SRGN: variants seen among roughly 807,000 people sequenced by gnomAD.
The protein encoded by SRGN is serglycin, also known as hematopoetic proteoglycan core peptide.
SRGN carries 2 observed loss-of-function variants against 9.5 expected under a neutral mutation model. The ratio of observed to expected loss-of-function variants is 0.21; its 90% CI spans 0.09 to 0.66. The LOEUF (loss-of-function observed/expected upper bound fraction) is 0.66. Ranked by LOEUF, SRGN falls within the 30% of genes least tolerant of loss-of-function variation. The pLI, the probability that SRGN is intolerant of heterozygous loss-of-function variation, is 0.83. For synonymous variants in SRGN, 59 were observed against 72.3 expected (o/e 0.82, Z 0.93); for missense variants, 170 against 192.4 (o/e 0.88, Z 0.69).
Position 69,096,834 on chromosome 10 carries a change from A to G in SRGN, c.80-250A>G, listed in dbSNP as rs189382052. Among the ~76,000 whole-genome samples the G allele has an allele frequency of 3.1e-3, 473 of 151,952 alleles. 4 individuals carry two copies. The highest frequency in any genetic ancestry group is 0.011 in the African/African-American group (461 of 41,416). On this transcript the variant is annotated intron_variant, in intron 1 of 2. Coordinates refer to ENST00000242465, the MANE Select transcript of SRGN (RefSeq NM_002727.4). ...CTCCAAAAAACAAACAAACAAACAA[A>G]AACAAAACAAAACTAGCTGGGCGTT... is the stretch of plus-strand genomic sequence containing the variant.
intron 2 of SRGN, chr10:69,098,577 G>A (rs1156277065): frequency 6.6e-6 from 1 of 152,102 alleles, no homozygotes; most frequent in African/African-American, 2.4e-5. Context: ...AGGAGTTTGA[G>A]GCCAGCCTGG....
intron 1 of SRGN, among the ~76,000 whole-genome samples, chr10:69,089,896 A>G (rs746571478): frequency 8.0e-4 from 121 of 152,106 alleles, no homozygotes; most frequent in Non-Finnish European, 1.6e-3. Context: ...ACTCTGTCAG[A>G]AAGAAAGAAA....
In SRGN at chr10:69,103,949, CGG is replaced by C; in HGVS notation, c.307_308del (p.Gly103LeufsTer24). On this transcript the variant is annotated frameshift_variant, in exon 3 of 3. Coordinates refer to ENST00000242465, the MANE Select transcript of SRGN (RefSeq NM_002727.4). LOFTEE classifies it low-confidence loss of function (END_TRUNC). The part of the protein sequence containing the change: ...YSGSGFGSGS[G>X]SGSGSGSGFL... ...CTGGATCAGGCTTCGGCTCCGGCTCCGGCTCTGGATCAGGATCTGGGAGTGGC... is the reference window on the plus strand; with the variant it reads ...CTGGATCAGGCTTCGGCTCCGGCTCCCTCTGGATCAGGATCTGGGAGTGGC... The C allele has an allele frequency of 6.2e-7, 1 of 1,614,182 alleles. No individual in the cohort carries two copies. Among genetic ancestry groups the C allele is most frequent in the Non-Finnish European group, 8.5e-7 (1 of 1,180,042 alleles).
At position 69,097,179 on chromosome 10, in the gene SRGN, C is replaced by T. The variant is rs751965877; in HGVS notation, c.175C>T (p.Leu59=). The T allele has an allele frequency of 9.9e-6, 16 of 1,613,968 alleles. No homozygotes were observed. In the East Asian group the frequency reaches 1.3e-4, roughly 13 times the overall value. ...CLEEKGPMFE[L]LPGESNKIPR... is the part of the protein sequence containing the mutation. ...TGAAGAAAAAGGACCAATGTTCGAACTACTTCCAGGTGAATCCAACAAGAT... is the reference window on the plus strand; with the variant it reads ...TGAAGAAAAAGGACCAATGTTCGAATTACTTCCAGGTGAATCCAACAAGAT... Residue 59 remains leucine (L), a synonymous_variant, in exon 2 of 3, where the codon CTA becomes TTA. Coordinates refer to ENST00000242465, the MANE Select transcript of SRGN (RefSeq NM_002727.4).
At chr10:69,102,467 T>C (rs528825095) in intron 2 of SRGN, among the ~76,000 whole-genome samples, 5 of 152,358 alleles carry the variant, frequency 3.3e-5, no homozygotes, top group African/African-American at 1.2e-4. Flanking sequence ...TCCCAGGCCC[T>C]CAAAACAAGG....
At chr10:69,097,427 A>ATTTTTTTT (rs71035049) in intron 2 of SRGN, among the ~76,000 whole-genome samples, 196 bp downstream of exon 2, 8,792 of 111,186 alleles carry the variant, frequency 0.079, 835 homozygotes, top group Non-Finnish European at 0.12. Context: ...TGCCCAGCTA[A>ATTTTTTTT]TTTTTTTTTT....
In SRGN at chr10:69,088,196, G is replaced by A. The variant is rs749813187; in HGVS notation, c.39G>A (p.Leu13=). The change falls in exon 1 of 3, where the codon CTG becomes CTA. Residue 13 remains leucine (L), a synonymous_variant. Transcript: ENST00000242465. Reference sequence around the variant, plus strand: ...TACTCAAATGCAGTCGGCTTGTCCTGGCTCTTGCCCTCATCCTGGTTCTGG... The same window carrying A: ...TACTCAAATGCAGTCGGCTTGTCCTAGCTCTTGCCCTCATCCTGGTTCTGG... ...QKLLKCSRLV[L]ALALILVLES... 6.2e-7 allele frequency: 1 copy of A among 1,614,172 alleles called. No homozygotes were observed. Among genetic ancestry groups the A allele is most frequent in the Non-Finnish European group, 8.5e-7 (1 of 1,180,024 alleles).
chr10:69,088,064 T>C (rs1011815181), upstream of SRGN: 11 of 1,078,804 alleles, frequency 1.0e-5, no homozygotes, highest in Non-Finnish European at 1.6e-5. Flanking sequence ...GGTTTGAGGT[T>C]TTGGAACATT....
Position 69,088,120 on chromosome 10 carries a change from A to G in SRGN, c.-38A>G, listed in dbSNP as rs1202456428. The G allele has an allele frequency of 6.3e-7, 1 of 1,578,148 alleles. No individual in the cohort carries two copies. The highest frequency in any genetic ancestry group is 8.7e-7 in the Non-Finnish European group (1 of 1,147,268). On this transcript the variant is annotated 5_prime_UTR_variant, in exon 1 of 3. Transcript: ENST00000242465. The stretch of plus-strand genomic sequence containing the variant: ...ACCCTGCTACATTTCCTAATCAAGA[A>G]GTTGGCGTGCAGCTGGGAGAGCTAG...
At chr10:69,094,008 T>A (rs1363161932) in intron 1 of SRGN, among the ~76,000 whole-genome samples, 1 of 152,238 alleles carries the variant, frequency 6.6e-6, no homozygotes, top group Non-Finnish European at 1.5e-5. Flanking sequence ...GTCCTCCTCC[T>A]TTTCATGACA....
At chr10:69,096,556 G>C (rs1840179001) in intron 1 of SRGN, among the ~76,000 whole-genome samples, 1 of 152,176 alleles carries the variant, frequency 6.6e-6, no homozygotes, top group African/African-American at 2.4e-5. Context: ...CTACTTTTTG[G>C]AGTGTTGTAA....
In SRGN at chr10:69,104,408, AAT is replaced by A. The variant is rs1051700279; in HGVS notation, c.*299_*300del. Reference sequence around the variant, plus strand: ...CCATGGCCATAAAATGGCTTTAAAGAATATATATATATTTTTAAAGTAGCTTG... The same window carrying A: ...CCATGGCCATAAAATGGCTTTAAAGAATATATATATTTTTAAAGTAGCTTG... On this transcript the variant is annotated 3_prime_UTR_variant, in exon 3 of 3. Coordinates refer to ENST00000242465, the MANE Select transcript of SRGN (RefSeq NM_002727.4). 6.6e-5 allele frequency: 13 copies of A among 196,240 alleles called. No individual in the cohort carries two copies. Among genetic ancestry groups the A allele is most frequent in the Non-Finnish European group, 1.0e-4 (10 of 95,840 alleles). The allele number at this position is 196,240 out of a possible 1,614,324, so 12.2% of individuals were successfully genotyped here.
intron 1 of SRGN, among the ~76,000 whole-genome samples, chr10:69,092,093 G>T (rs891103249): frequency 6.6e-6 from 1 of 151,666 alleles, no homozygotes; most frequent in African/African-American, 2.4e-5. Flanking sequence ...GGGCAGTGAG[G>T]GATAGGATTC....
rs966424603 is a variant in SRGN, at chr10:69,100,416, A to G, written c.227+3185A>G. Among the ~76,000 whole-genome samples, 13 of 152,322 alleles carry G rather than the reference A, an allele frequency of 8.5e-5. No individual in the cohort carries two copies. The South Asian group carries it at 1.2e-3, about 15-fold the overall frequency. On this transcript the variant is annotated intron_variant, in intron 2 of 2. Coordinates refer to ENST00000242465, the MANE Select transcript of SRGN (RefSeq NM_002727.4). ...TGTCTCAAAATAAATAAACACATTTAAAATAAATAAATACAATTAAAACTA... is the reference window on the plus strand; with the variant it reads ...TGTCTCAAAATAAATAAACACATTTGAAATAAATAAATACAATTAAAACTA...
intron 2 of SRGN, among the ~76,000 whole-genome samples, chr10:69,098,032 T>C (rs2132158527): frequency 6.6e-6 from 1 of 152,326 alleles, no homozygotes; most frequent in South Asian, 2.1e-4. Context: ...GCATATGACA[T>C]GTGCGAGTAT....
intron 1 of SRGN, among the ~76,000 whole-genome samples, chr10:69,091,174 A>T (rs1234593784): frequency 6.6e-6 from 1 of 152,178 alleles, no homozygotes; most frequent in Non-Finnish European, 1.5e-5. Flanking sequence ...CTATACATTA[A>T]CCTCTTGCAA....
intron 1 of SRGN, among the ~76,000 whole-genome samples, chr10:69,096,362 C>A (rs555620001): frequency 6.6e-6 from 1 of 152,220 alleles, no homozygotes; most frequent in East Asian, 1.9e-4. Flanking sequence ...TTACTGTGTG[C>A]CTGGCACTGT....
At chr10:69,091,621 G>T (rs1443290298) in intron 1 of SRGN, among the ~76,000 whole-genome samples, 3 of 152,056 alleles carry the variant, frequency 2.0e-5, no homozygotes, top group Non-Finnish European at 4.4e-5. Flanking sequence ...GCTCACGTCT[G>T]TAGTCTTAGC....
At chr10:69,097,267 CTTAT>C in intron 2 of SRGN, 36 bp downstream of exon 2, 10 of 1,519,182 alleles carry the variant, frequency 6.6e-6, no homozygotes, top group South Asian at 1.1e-5. Flanking sequence ...TAATTAATTA[CTTAT>C]TTATTTGAGA....
Sources: allele counts gnomAD v4.1 joint callset (sites outside exome capture counted in the v4.1 genomes callset), GRCh38; gene constraint gnomAD v4.1.1; transcripts MANE v1.5; gene names NCBI Gene and HGNC (gene_info 2026-07-23, HGNC 2026-07-21).